PCDHA1: variants seen among roughly 807,000 people sequenced by gnomAD.
The protein encoded by PCDHA1 is protocadherin alpha-1.
A neutral mutation model predicts 61.3 loss-of-function variants in PCDHA1; 42 were observed. That is an observed-to-expected ratio of 0.69 (90% CI 0.54 to 0.89). The LOEUF (loss-of-function observed/expected upper bound fraction) is 0.89. PCDHA1 is among the 40% of genes least tolerant of loss of function. The pLI, the probability that PCDHA1 is intolerant of heterozygous loss-of-function variation, is 0.00. For missense variants in PCDHA1, 1,256 were observed against 1,235.3 expected (o/e 1.02, Z -0.25); for synonymous variants, 610 against 553.8 (o/e 1.10, Z -1.43).
chr5:140,909,214 T>C (rs1394994856), intron 1 of PCDHA1, among the ~76,000 whole-genome samples: 2 of 152,232 alleles, frequency 1.3e-5, no homozygotes, highest in African/African-American at 2.4e-5. Context: ...AGAGTTGATA[T>C]ACCCCTGAGG....
intron 1 of PCDHA1, chr5:140,862,600 TTCG>T (rs1554156642): frequency 1.9e-6 from 1 of 513,664 alleles, no homozygotes; most frequent in East Asian, 5.2e-5. Context: ...GTACATGGTG[TTCG>T]TGAAAGGTAA....
chr5:140,962,008 C>T (rs1363169601), intron 1 of PCDHA1, among the ~76,000 whole-genome samples: 5 of 152,088 alleles, frequency 3.3e-5, no homozygotes, highest in South Asian at 2.1e-4. Context: ...CTCAGCTTCC[C>T]GAGTAGCTGG....
intron 1 of PCDHA1, chr5:140,863,507 T>A: frequency 2.4e-6 from 1 of 420,150 alleles, no homozygotes. Flanking sequence ...CTTTTAGTCC[T>A]AGTGTTCTCC....
At chr5:140,933,036 A>G (rs545196190) in intron 1 of PCDHA1, among the ~76,000 whole-genome samples, 5 of 152,154 alleles carry the variant, frequency 3.3e-5, no homozygotes, top group South Asian at 4.1e-4. Context: ...CTTCAAGTGA[A>G]TATGGATTAC....
chr5:140,918,621 T>C (rs1162983414), intron 1 of PCDHA1, among the ~76,000 whole-genome samples: 1 of 152,228 alleles, frequency 6.6e-6, no homozygotes, highest in Non-Finnish European at 1.5e-5. Flanking sequence ...AATGTTTGTG[T>C]TCCCCAAATT....
chr5:140,787,007 C>A lies in PCDHA1; in HGVS notation c.717C>A (p.Ala239=). 1 of 1,614,120 alleles carries A rather than the reference C, an allele frequency of 6.2e-7. No individual in the cohort carries two copies. The highest frequency in any genetic ancestry group is 8.5e-7 in the Non-Finnish European group (1 of 1,180,000). Residue 239 remains alanine (A), a synonymous_variant, in exon 1 of 4, where the codon GCC becomes GCA. Coordinates refer to ENST00000504120, the MANE Select transcript of PCDHA1 (RefSeq NM_018900.4). ...LITVLDVNDN[A]PLFDQAVYRV... ...CCGTCCTCGACGTTAATGATAACGCCCCACTGTTTGACCAGGCCGTATACA... is the reference window on the plus strand; with the variant it reads ...CCGTCCTCGACGTTAATGATAACGCACCACTGTTTGACCAGGCCGTATACA...
chr5:140,802,400 C>T, intron 1 of PCDHA1: 1 of 1,614,242 alleles, frequency 6.2e-7, no homozygotes, highest in South Asian at 1.1e-5. Context: ...TGTCCACCTT[C>T]AAGAATTACT....
intron 1 of PCDHA1, among the ~76,000 whole-genome samples, chr5:140,923,218 TCG>T (rs1584297306): frequency 7.4e-6 from 1 of 135,282 alleles, no homozygotes; most frequent in Non-Finnish European, 1.7e-5. Flanking sequence ...GGTGAAAGGA[TCG>T]TTTGAGCCCA....
chr5:140,796,420 G>A (rs1554119891), intron 1 of PCDHA1: 1 of 1,613,886 alleles, frequency 6.2e-7, no homozygotes, highest in South Asian at 1.1e-5. Context: ...GGACGCGCAG[G>A]AGAACGCGCT....
chr5:140,948,096 T>C (rs550126735), intron 1 of PCDHA1, among the ~76,000 whole-genome samples: 1 of 151,754 alleles, frequency 6.6e-6, no homozygotes, highest in East Asian at 1.9e-4. Flanking sequence ...TATGAGCATA[T>C]GATTTTTCTT....
chr5:140,788,092 C>CG lies in PCDHA1; in HGVS notation c.1805dup (p.Tyr603LeufsTer8). ...AAGGTGCGCGCAGTGGACGCCGACTCGGGCTACAACGCGTGGCTGTCCTAT... is the reference window on the plus strand; with the variant it reads ...AAGGTGCGCGCAGTGGACGCCGACTCGGGGCTACAACGCGTGGCTGTCCTAT... On this transcript the variant is annotated frameshift_variant, in exon 1 of 4. Transcript: ENST00000504120. LOFTEE classifies it high-confidence loss of function. The CG allele has an allele frequency of 6.2e-7, 1 of 1,613,962 alleles. No homozygotes were observed.
chr5:140,990,369 C>T (rs2097390541), intron 3 of PCDHA1, among the ~76,000 whole-genome samples: 1 of 152,054 alleles, frequency 6.6e-6, no homozygotes, highest in South Asian at 2.1e-4. Flanking sequence ...TCTAATAAAG[C>T]AAATTTGTTG....
At chr5:140,849,341 C>T (rs2150435526) in intron 1 of PCDHA1, 27 of 1,407,914 alleles carry the variant, frequency 1.9e-5, no homozygotes, top group Middle Eastern at 2.4e-4. Flanking sequence ...ACTCCTTCTC[C>T]AGTGATGTTT....
intron 1 of PCDHA1, among the ~76,000 whole-genome samples, chr5:140,840,298 T>C (rs1378373140): frequency 6.6e-6 from 1 of 152,042 alleles, no homozygotes; most frequent in African/African-American, 2.4e-5. Context: ...ATTGATTAGA[T>C]ATTCTTTTAA....
chr5:140,819,051 C>T (rs2150103040), intron 1 of PCDHA1, among the ~76,000 whole-genome samples: 2 of 152,250 alleles, frequency 1.3e-5, no homozygotes, highest in South Asian at 4.1e-4. Context: ...GGCAGTTATA[C>T]CTTCCTCTGT....
At chr5:140,834,120 A>C (rs2150213595) in intron 1 of PCDHA1, 5 of 433,160 alleles carry the variant, frequency 1.2e-5, no homozygotes, top group Non-Finnish European at 2.0e-5. Context: ...GTTTGAAATA[A>C]AACTTTTCAT....
intron 1 of PCDHA1, chr5:140,868,166 T>G (rs1427031961): frequency 1.3e-5 from 2 of 152,120 alleles, no homozygotes; most frequent in Non-Finnish European, 2.9e-5. Flanking sequence ...AGTGCTAAAT[T>G]TTGATATCTC....
chr5:140,823,757 C>T, intron 1 of PCDHA1: 1 of 1,613,910 alleles, frequency 6.2e-7, no homozygotes, highest in Middle Eastern at 1.6e-4. Flanking sequence ...CTGACAGCCA[C>T]AGCCACAGTG....
chr5:141,008,362 G>A (rs2098372939), intron 3 of PCDHA1, among the ~76,000 whole-genome samples: 1 of 152,172 alleles, frequency 6.6e-6, no homozygotes, highest in Non-Finnish European at 1.5e-5. Flanking sequence ...AACCAAAGGA[G>A]CAGTGTTAGA....
Sources: gnomAD v4.1 joint callset for allele counts (sites outside exome capture counted in the v4.1 genomes callset) on GRCh38, gnomAD v4.1.1 for gene constraint, MANE v1.5 for transcripts, NCBI Gene and HGNC (gene_info 2026-07-23, HGNC 2026-07-21) for gene names.